The following DPF3 variants were observed in gnomAD, a reference collection of about 807,000 sequenced individuals.
The protein encoded by DPF3 is double PHD fingers 3, also known as zinc finger protein DPF3.
Under a neutral mutation model 56.8 loss-of-function variants are expected in DPF3, and 18 were observed. The ratio of observed to expected loss-of-function variants is 0.32; its 90% CI spans 0.22 to 0.47. The LOEUF is 0.47. DPF3 is among the 20% of genes least tolerant of loss of function. The pLI, the probability that DPF3 is intolerant of heterozygous loss-of-function variation, is 1.00. For synonymous variants in DPF3, 188 were observed against 180.2 expected, an observed-to-expected ratio of 1.04 and a Z score of -0.35; for missense variants, 403 against 488.8, an observed-to-expected ratio of 0.82 and a Z score of 1.65.
chr14:72,858,497 G>T (rs571660346), intron 1 of DPF3, among the ~76,000 whole-genome samples: 1 of 152,076 alleles, frequency 6.6e-6, no homozygotes, highest in African/African-American at 2.4e-5. Context: ...GTGGGCCATC[G>T]TATTCCATCA....
intron 3 of DPF3, among the ~76,000 whole-genome samples, chr14:72,733,317 T>C (rs191251278): frequency 2.6e-5 from 4 of 152,068 alleles, no homozygotes; most frequent in African/African-American, 4.8e-5. Flanking sequence ...TTTGGGGGTA[T>C]TGAGAGTTTA....
At chr14:72,887,691 A>AAAG (rs10690289) in intron 1 of DPF3, among the ~76,000 whole-genome samples, 143,652 of 152,208 alleles carry the variant, frequency 0.94, 67,905 homozygotes, top group East Asian at 1. Flanking sequence ...TATGCGGCTC[A>AAAG]AAGTTCTGTG....
Position 72,731,885 on chromosome 14 carries a change from C to G in DPF3, c.351G>C (p.Thr117=). Residue 117 remains threonine (T), a synonymous_variant, in exon 4 of 11, where the codon ACG becomes ACC. Coordinates refer to ENST00000556509, the MANE Select transcript of DPF3 (RefSeq NM_001280542.3). ...KKDGFTSEST[T]LEALLRGEGV... ...CCTCGCCACGGAGCAAGGCTTCCAG[C>G]GTGGTGCTCTCTGAGGTGAACCCAT... 6.2e-7 allele frequency: 1 copy of G among 1,608,070 alleles called. No homozygotes were observed. Among genetic ancestry groups the G allele is most frequent in the Non-Finnish European group, 8.5e-7 (1 of 1,177,218 alleles).
At chr14:72,875,812 C>T (rs923634481) in intron 1 of DPF3, among the ~76,000 whole-genome samples, 2 of 152,166 alleles carry the variant, frequency 1.3e-5, no homozygotes, top group Non-Finnish European at 2.9e-5. Context: ...GCAGCAGTGG[C>T]AGGGGTGTCT....
chr14:72,869,089 C>T (rs1183938591), intron 1 of DPF3, among the ~76,000 whole-genome samples: 1 of 152,208 alleles, frequency 6.6e-6, no homozygotes, highest in Admixed American at 6.5e-5. Flanking sequence ...GCCACAGTGG[C>T]CTTCCATGGG....
At chr14:72,697,056 CAGTTATT>C (rs2153573463) in intron 6 of DPF3, among the ~76,000 whole-genome samples, 1 of 29,480 alleles carries the variant, frequency 3.4e-5, no homozygotes, top group African/African-American at 1.8e-4. Context: ...GACCTTTGTT[CAGTTATT>C]AGCAGTTATT....
chr14:72,671,272 A>C, intron 8 of DPF3: 1 of 1,613,964 alleles, frequency 6.2e-7, no homozygotes, highest in Non-Finnish European at 8.5e-7. Flanking sequence ...GGAACCGAAT[A>C]AGTCCTCCGT....
intron 1 of DPF3, among the ~76,000 whole-genome samples, chr14:72,824,389 C>G (rs61457011): frequency 0.051 from 7,700 of 152,146 alleles, 570 homozygotes; most frequent in African/African-American, 0.16. Context: ...TGCTGTTCAC[C>G]AGTATCTCCT....
Position 72,614,150 on chromosome 14 carries a change from T to C in DPF3, c.*5147A>G, listed in dbSNP as rs1044589562. 6.6e-6 allele frequency among the ~76,000 whole-genome samples: 1 copy of C among 152,092 alleles called. No individual in the cohort carries two copies. The highest frequency in any genetic ancestry group is 2.4e-5 in the African/African-American group (1 of 41,416). ...GGCCGTGGCCTCTGGCAGAGAATCA[T>C]AAGCAGACTCCCAAACCCTGGGAAT... On this transcript the variant is annotated 3_prime_UTR_variant, in exon 11 of 11. Transcript: ENST00000556509.
chr14:72,687,740 G>A (rs1887473530), intron 7 of DPF3, among the ~76,000 whole-genome samples: 1 of 152,100 alleles, frequency 6.6e-6, no homozygotes. Context: ...CACCTCTTCG[G>A]TGAAGCCTTT....
chr14:72,764,094 G>C (rs1891166336), intron 2 of DPF3, among the ~76,000 whole-genome samples: 1 of 152,154 alleles, frequency 6.6e-6, no homozygotes, highest in Non-Finnish European at 1.5e-5. Flanking sequence ...GGGACCTGCT[G>C]GATAGCCTCT....
chr14:72,693,254 T>C lies in DPF3; in HGVS notation c.605-41A>G, dbSNP rs374943929. 1.8e-5 allele frequency: 29 copies of C among 1,602,906 alleles called. No individual in the cohort carries two copies. The African/African-American group carries it at 2.9e-4, about 16-fold the overall frequency. Reference sequence around the variant, plus strand: ...GGAAAAAAGGGAGAGATACAAATATTAGCAACCTGTGCAGCCACCGCTATC... The same window carrying C: ...GGAAAAAAGGGAGAGATACAAATATCAGCAACCTGTGCAGCCACCGCTATC... On this transcript the variant is annotated intron_variant, in intron 6 of 10. Coordinates refer to ENST00000556509, the MANE Select transcript of DPF3 (RefSeq NM_001280542.3).
intron 2 of DPF3, among the ~76,000 whole-genome samples, chr14:72,767,582 C>T (rs1891338303): frequency 6.6e-6 from 1 of 151,600 alleles, no homozygotes; most frequent in Non-Finnish European, 1.5e-5. Context: ...TAGAAATCAC[C>T]CAAGCTGAGC....
intron 3 of DPF3, among the ~76,000 whole-genome samples, chr14:72,747,167 C>T (rs1342016670): frequency 6.6e-6 from 1 of 152,210 alleles, no homozygotes; most frequent in Admixed American, 6.5e-5. Context: ...GGGCTCACAA[C>T]CCTCTTACCT....
intron 8 of DPF3, among the ~76,000 whole-genome samples, chr14:72,642,946 T>G (rs368095414): frequency 5.3e-5 from 8 of 152,236 alleles, no homozygotes; most frequent in Non-Finnish European, 7.3e-5. Context: ...ACCTTTCTAT[T>G]GACTGATTTT....
chr14:72,740,860 T>C (rs1890096034), intron 3 of DPF3, among the ~76,000 whole-genome samples: 3 of 152,070 alleles, frequency 2.0e-5, no homozygotes, highest in African/African-American at 7.2e-5. Flanking sequence ...TAAAGGTGGG[T>C]CCCACGGCCA....
chr14:72,671,470 C>T, intron 8 of DPF3: 2 of 1,274,824 alleles, frequency 1.6e-6, no homozygotes, highest in Non-Finnish European at 2.3e-6. Context: ...AGGGATTAAC[C>T]CGGTGCATCA....
intron 1 of DPF3, among the ~76,000 whole-genome samples, chr14:72,874,297 T>C (rs1401557498): frequency 1.3e-5 from 2 of 151,556 alleles, no homozygotes; most frequent in African/African-American, 4.8e-5. Flanking sequence ...GCCAACATAG[T>C]GAAACCCCGT....
Position 72,662,349 on chromosome 14 carries a change from A to T in DPF3, c.871+11891T>A, listed in dbSNP as rs927280637. On this transcript the variant is annotated intron_variant, in intron 8 of 10. Transcript: ENST00000556509. ...TTACATTAAGTACTCTTATGATTTCATGTCTTCACAAAATTGCGCTTAACT... is the reference window on the plus strand; with the variant it reads ...TTACATTAAGTACTCTTATGATTTCTTGTCTTCACAAAATTGCGCTTAACT... The T allele has an allele frequency of 3.0e-6, 3 of 984,818 alleles. No individual in the cohort carries two copies. The Admixed American group carries it at 1.8e-4, about 61-fold the overall frequency. 61.0% of individuals were successfully genotyped at this position (984,818 alleles called of 1,614,324 possible). A position where few individuals can be genotyped will look rare whatever the true frequency, so the allele number is the denominator to read the frequency against.
Sources: gnomAD v4.1 joint callset for allele counts (sites outside exome capture counted in the v4.1 genomes callset) on GRCh38, gnomAD v4.1.1 for gene constraint, MANE v1.5 for transcripts, NCBI Gene and HGNC (gene_info 2026-07-23, HGNC 2026-07-21) for gene names.